The following GRK5 variants were observed in gnomAD, a reference collection of about 807,000 sequenced individuals.
GRK5 encodes g protein-coupled receptor kinase GRK5.
Under a neutral mutation model 78.4 loss-of-function variants are expected in GRK5, and 40 were observed. The observed-to-expected ratio is 0.51, with a 90% confidence interval of 0.40 to 0.66. The LOEUF is 0.66. Among genes scored for constraint, GRK5 ranks in the 30% least tolerant of loss-of-function variants. The pLI is 0.00. For synonymous variants in GRK5, 289 were observed against 296.8 expected (o/e 0.97, Z 0.27); for missense variants, 598 against 759.9 (o/e 0.79, Z 2.50).
intron 1 of GRK5, among the ~76,000 whole-genome samples, chr10:119,232,370 CA>C (rs1447096298): frequency 1.3e-5 from 2 of 152,054 alleles, no homozygotes; most frequent in Non-Finnish European, 2.9e-5. Flanking sequence ...TTTAACAACA[CA>C]AAATTATAGC....
intron 1 of GRK5, among the ~76,000 whole-genome samples, chr10:119,268,817 G>A (rs568692945): frequency 5.6e-4 from 85 of 152,348 alleles, no homozygotes; most frequent in Non-Finnish European, 1.1e-3. Flanking sequence ...CCTAAGAAAC[G>A]CTACCCTGGC....
chr10:119,422,747 C>T (rs749404197), intron 4 of GRK5, among the ~76,000 whole-genome samples: 8 of 152,260 alleles, frequency 5.3e-5, no homozygotes, highest in Non-Finnish European at 8.8e-5. Flanking sequence ...AGCTGGGTCA[C>T]GCTGCACAGC....
intron 3 of GRK5, among the ~76,000 whole-genome samples, chr10:119,394,376 C>CT (rs1564917161): frequency 5.5e-5 from 1 of 18,318 alleles, no homozygotes; most frequent in Non-Finnish European, 1.1e-4. Context: ...GTGTGGGTGT[C>CT]GGTGTGTGTA....
chr10:119,442,037 A>T lies in GRK5; in HGVS notation c.1006A>T (p.Ile336Phe). 1 of 1,613,948 alleles carries T rather than the reference A, an allele frequency of 6.2e-7. No individual in the cohort carries two copies. Among genetic ancestry groups the T allele is most frequent in the Non-Finnish European group, 8.5e-7 (1 of 1,179,922 alleles). The change falls in exon 11 of 16, where the codon ATC (isoleucine) becomes TTC (phenylalanine). Residue 336 changes from isoleucine to phenylalanine, a missense_variant. Transcript: ENST00000392870. ...RISDLGLAVK[I>F]PEGDLIRGRV... ...CTCAGACCTGGGCTTGGCTGTGAAG[A>T]TCCCCGAGGGAGACCTGATCCGCGG...
At chr10:119,331,294 G>A (rs974759895) in intron 2 of GRK5, among the ~76,000 whole-genome samples, 18 of 152,238 alleles carry the variant, frequency 1.2e-4, no homozygotes, top group African/African-American at 4.3e-4. Context: ...CTGTGTGTGA[G>A]TGCCGTGGGA....
chr10:119,431,025 C>A lies in GRK5; in HGVS notation c.598-362C>A, dbSNP rs945389760. Reference sequence around the variant, plus strand: ...TGTTCTTGAGGATCTCCTATCACTGCCTCCCAAAACAAACTTCTCTACCGG... The same window carrying A: ...TGTTCTTGAGGATCTCCTATCACTGACTCCCAAAACAAACTTCTCTACCGG... On this transcript the variant is annotated intron_variant, in intron 7 of 15. Coordinates refer to ENST00000392870, the MANE Select transcript of GRK5 (RefSeq NM_005308.3). The surrounding 1 kb of genome is among the most constrained non-coding windows in gnomAD (Gnocchi z 4.8). Among the ~76,000 whole-genome samples the A allele has an allele frequency of 6.6e-6, 1 of 152,306 alleles. No individual in the cohort carries two copies. The highest frequency in any genetic ancestry group is 6.5e-5 in the Admixed American group (1 of 15,302).
chr10:119,422,535 T>C (rs908569605), intron 4 of GRK5, among the ~76,000 whole-genome samples: 10 of 152,216 alleles, frequency 6.6e-5, no homozygotes, highest in Non-Finnish European at 2.9e-5. Context: ...AACCCAAGCC[T>C]GCAGCTCCGG....
chr10:119,269,887 CAG>C (rs1015943530), intron 1 of GRK5, among the ~76,000 whole-genome samples: 1 of 150,098 alleles, frequency 6.7e-6, no homozygotes, highest in Non-Finnish European at 1.5e-5. Context: ...GCCTCTTTCT[CAG>C]AGCCACCTTG....
intron 1 of GRK5, among the ~76,000 whole-genome samples, chr10:119,307,551 A>G (rs1850291704): frequency 6.6e-6 from 1 of 152,168 alleles, no homozygotes; most frequent in Non-Finnish European, 1.5e-5. Context: ...AATTGAGCCA[A>G]GGAATAGAGG....
chr10:119,291,989 TCTTCTCCTCCTCTTCCTC>T (rs1470026836), intron 1 of GRK5, among the ~76,000 whole-genome samples: 9 of 3,442 alleles, frequency 2.6e-3, no homozygotes, highest in African/African-American at 8.6e-3. Context: ...TCTTCCTCCT[TCTTCTCCTCCTCTTCCTC>T]CTTCTCCTCC....
At chr10:119,208,328 C>A (rs1433520246) in intron 1 of GRK5, among the ~76,000 whole-genome samples, 2 of 151,954 alleles carry the variant, frequency 1.3e-5, no homozygotes, top group East Asian at 1.9e-4. Flanking sequence ...TCAAGTCGGC[C>A]CGGGATGGTT....
intron 1 of GRK5, among the ~76,000 whole-genome samples, chr10:119,307,653 A>G (rs761750494): frequency 6.6e-5 from 10 of 152,100 alleles, no homozygotes; most frequent in African/African-American, 9.7e-5. Flanking sequence ...CAGACTTCTG[A>G]CTTCTAGAAC....
At chr10:119,307,911 C>T (rs1850298233) in intron 1 of GRK5, among the ~76,000 whole-genome samples, 1 of 152,096 alleles carries the variant, frequency 6.6e-6, no homozygotes, top group African/African-American at 2.4e-5. Flanking sequence ...CACTGCCTTG[C>T]CCCAGCTTGC....
At chr10:119,262,739 C>T (rs1276170371) in intron 1 of GRK5, among the ~76,000 whole-genome samples, 2 of 152,256 alleles carry the variant, frequency 1.3e-5, no homozygotes, top group Non-Finnish European at 2.9e-5. Context: ...GATGGAGCTT[C>T]GAGTAGCATT....
At chr10:119,228,589 C>G (rs1848778940) in intron 1 of GRK5, among the ~76,000 whole-genome samples, 1 of 151,970 alleles carries the variant, frequency 6.6e-6, no homozygotes, top group Non-Finnish European at 1.5e-5. Context: ...CCATTGTGCT[C>G]CAGCCTGGGG....
At chr10:119,332,491 C>T (rs1288978423) in intron 2 of GRK5, among the ~76,000 whole-genome samples, 1 of 152,202 alleles carries the variant, frequency 6.6e-6, no homozygotes, top group African/African-American at 2.4e-5. Flanking sequence ...TCTTTGATTT[C>T]TGCCGGTGAC....
chr10:119,325,774 A>G (rs1047992521), intron 1 of GRK5, among the ~76,000 whole-genome samples: 1 of 152,232 alleles, frequency 6.6e-6, no homozygotes, highest in Non-Finnish European at 1.5e-5. Flanking sequence ...CCAGGAGTGC[A>G]AGGATGACGG....
At chr10:119,259,088 A>G (rs1229001097) in intron 1 of GRK5, among the ~76,000 whole-genome samples, 1 of 132,082 alleles carries the variant, frequency 7.6e-6, no homozygotes, top group Non-Finnish European at 1.6e-5. Context: ...TTTTTGAGAC[A>G]GAGTCTCGCT....
intron 1 of GRK5, among the ~76,000 whole-genome samples, chr10:119,227,991 C>T (rs958099391): frequency 6.6e-5 from 10 of 152,012 alleles, no homozygotes; most frequent in Non-Finnish European, 1.0e-4. Flanking sequence ...GTACCAATGA[C>T]GTGCAGGAAG....
Sources: gnomAD v4.1 joint callset for allele counts (sites outside exome capture counted in the v4.1 genomes callset) on GRCh38, gnomAD v4.1.1 for gene constraint, Gnocchi (gnomAD v3.1) non-coding constraint, MANE v1.5 for transcripts, NCBI Gene and HGNC (gene_info 2026-07-23, HGNC 2026-07-21) for gene names.